The following RBMS3 variants were observed in gnomAD, a reference collection of about 807,000 sequenced individuals.
RBMS3 encodes the protein RNA-binding motif, single-stranded-interacting protein 3.
RBMS3 carries 27 observed loss-of-function variants against 66.8 expected under a neutral mutation model. That is an observed-to-expected ratio of 0.40 (90% CI 0.30 to 0.56). RBMS3 has a LOEUF of 0.56. Among genes scored for constraint, RBMS3 ranks in the 20% least tolerant of loss-of-function variants. The pLI is 0.40. For missense variants in RBMS3, 513 were observed against 549.5 expected, an observed-to-expected ratio of 0.93 and a Z score of 0.66; for synonymous variants, 188 against 183.0, an observed-to-expected ratio of 1.03 and a Z score of -0.22.
chr3:29,382,456 G>A (rs757045612), intron 1 of RBMS3, among the ~76,000 whole-genome samples: 2 of 152,182 alleles, frequency 1.3e-5, no homozygotes, highest in African/African-American at 2.4e-5. Context: ...GTGTTGCAAG[G>A]TTTTGTCTGT....
chr3:29,457,546 A>T (rs1039494115), intron 2 of RBMS3, among the ~76,000 whole-genome samples: 3 of 151,860 alleles, frequency 2.0e-5, no homozygotes, highest in Non-Finnish European at 4.4e-5. Context: ...ACATAGTGAA[A>T]CCTTGTCTCT....
rs1217595744 is a variant in RBMS3, at chr3:30,007,413, G to A, written c.*3551G>A. ...TTTGGATGTTTCCATTTTTCCTTTT[G>A]ACTTTAATAGCCAAGACTTAGCTTA... is the stretch of plus-strand genomic sequence containing the variant. On this transcript the variant is annotated 3_prime_UTR_variant, in exon 15 of 15. Transcript: ENST00000383767. 6.6e-6 allele frequency: 1 copy of A among 150,658 alleles called. No homozygotes were observed. Among genetic ancestry groups the A allele is most frequent in the Non-Finnish European group, 1.5e-5 (1 of 67,634 alleles). 9.3% of individuals were successfully genotyped at this position (150,658 alleles called of 1,614,324 possible).
chr3:29,491,675 TAAAG>T (rs1208366186), intron 3 of RBMS3, among the ~76,000 whole-genome samples: 4 of 152,080 alleles, frequency 2.6e-5, no homozygotes, highest in African/African-American at 9.7e-5. Context: ...GAAAATCACT[TAAAG>T]AAAGGCATCT....
intron 4 of RBMS3, among the ~76,000 whole-genome samples, chr3:29,648,452 T>A (rs1043521690): frequency 1.3e-5 from 2 of 151,702 alleles, no homozygotes; most frequent in Non-Finnish European, 2.9e-5. Flanking sequence ...TTTGTATTTT[T>A]TGTAGAGACA....
chr3:29,457,888 C>A (rs1264031610), intron 2 of RBMS3, among the ~76,000 whole-genome samples: 2 of 144,168 alleles, frequency 1.4e-5, no homozygotes, highest in South Asian at 4.3e-4. Context: ...GCCAGGTTGT[C>A]TTTTGCCTAC....
intron 14 of RBMS3, among the ~76,000 whole-genome samples, chr3:29,993,475 C>T (rs1485001986): frequency 1.3e-5 from 2 of 152,088 alleles, no homozygotes. Flanking sequence ...TTTGGCAAAA[C>T]AATATTTCTG....
chr3:29,515,538 A>G lies in RBMS3; in HGVS notation c.307+27039A>G, dbSNP rs570707009. On this transcript the variant is annotated intron_variant, in intron 3 of 14. Coordinates refer to ENST00000383767, the MANE Select transcript of RBMS3 (RefSeq NM_001003793.3). ...ACAAAGAAGGAAGAAAGCTAGATGC[A>G]GGAAGACAGGCTGGAAGGATGTATC... 2.0e-5 allele frequency among the ~76,000 whole-genome samples: 3 copies of G among 152,360 alleles called. No homozygotes were observed. In the South Asian group the frequency reaches 6.2e-4, roughly 32 times the overall value.
At chr3:29,534,836 C>T (rs771252852) in intron 3 of RBMS3, among the ~76,000 whole-genome samples, 1 of 152,010 alleles carries the variant, frequency 6.6e-6, no homozygotes, top group Non-Finnish European at 1.5e-5. Flanking sequence ...ATCATGCAAA[C>T]TTCGTGAATT....
intron 3 of RBMS3, among the ~76,000 whole-genome samples, chr3:29,545,991 CTT>C (rs148534654): frequency 0.056 from 8,549 of 151,932 alleles, 405 homozygotes; most frequent in African/African-American, 0.13. Context: ...CCAAGGAAAA[CTT>C]TGTTGTTAGC....
intron 1 of RBMS3, among the ~76,000 whole-genome samples, chr3:29,396,174 A>G (rs2039539840): frequency 6.6e-6 from 1 of 152,058 alleles, no homozygotes; most frequent in South Asian, 2.1e-4. Context: ...GAAGGACATA[A>G]CATAACTTAT....
In RBMS3 at chr3:29,316,731, A is replaced by T. The variant is rs1177456371; in HGVS notation, c.75+34975A>T. Among the ~76,000 whole-genome samples, 5 of 151,692 alleles carry T rather than the reference A, an allele frequency of 3.3e-5. No individual in the cohort carries two copies. In the East Asian group the frequency reaches 7.8e-4, roughly 24 times the overall value. On this transcript the variant is annotated intron_variant, in intron 1 of 14. Coordinates refer to ENST00000383767, the MANE Select transcript of RBMS3 (RefSeq NM_001003793.3). ...TAATTTTCATATTTTGAGCTATACT[A>T]TTTAATAGCTATTATAAACTTCTCT...
Position 29,761,629 on chromosome 3 carries a change from C to A in RBMS3, c.558-1281C>A, listed in dbSNP as rs2055692710. ...AGCTGTAATAAATATGTATAACTTA[C>A]TTGACATTTGTTAGCATATTTTTTT... is the stretch of plus-strand genomic sequence containing the variant. On this transcript the variant is annotated intron_variant, in intron 5 of 14. Coordinates refer to ENST00000383767, the MANE Select transcript of RBMS3 (RefSeq NM_001003793.3). 2.0e-5 allele frequency among the ~76,000 whole-genome samples: 3 copies of A among 152,112 alleles called. 1 individual carries two copies. The highest frequency in any genetic ancestry group is 2.0e-4 in the Admixed American group (3 of 15,266).
chr3:29,615,470 G>GCGCA (rs143455284), intron 4 of RBMS3, among the ~76,000 whole-genome samples: 22 of 144,512 alleles, frequency 1.5e-4, no homozygotes, highest in African/African-American at 2.6e-4. Context: ...ACTACAGTTA[G>GCGCA]CACACACACA....
rs562181382 is a variant in RBMS3, at chr3:29,864,821, A to T, written c.638-4037A>T. Among the ~76,000 whole-genome samples the T allele has an allele frequency of 3.6e-5, 5 of 140,538 alleles. No individual in the cohort carries two copies. In the South Asian group the frequency reaches 1.2e-3, roughly 35 times the overall value. 92.2% of individuals were successfully genotyped at this position (140,538 alleles called of 152,430 possible). ...ACAGAAATGTAAAAGAAAGGAAGGA[A>T]GGAAGGGAAGGGAAGGGAAGGGAAG... On this transcript the variant is annotated intron_variant, in intron 6 of 14. Coordinates refer to ENST00000383767, the MANE Select transcript of RBMS3 (RefSeq NM_001003793.3).
intron 4 of RBMS3, among the ~76,000 whole-genome samples, chr3:29,650,284 T>TC (rs1471184251): frequency 6.7e-6 from 1 of 150,158 alleles, no homozygotes; most frequent in Admixed American, 6.6e-5. Context: ...TCTTTCTTTT[T>TC]TTTTTTTTTT....
intron 12 of RBMS3, among the ~76,000 whole-genome samples, chr3:29,963,841 A>G (rs79920228): frequency 1.8e-4 from 27 of 150,928 alleles, no homozygotes; most frequent in Admixed American, 4.0e-4. Context: ...AAAAAAAAAA[A>G]AAAAGTGTAT....
chr3:29,654,475 G>C (rs2050251632), intron 4 of RBMS3, among the ~76,000 whole-genome samples: 1 of 151,450 alleles, frequency 6.6e-6, no homozygotes, highest in South Asian at 2.1e-4. Context: ...TGGTGTGACT[G>C]TATCTTTGGA....
chr3:29,734,859 AT>A (rs1236468332), intron 4 of RBMS3, among the ~76,000 whole-genome samples: 1 of 152,046 alleles, frequency 6.6e-6, no homozygotes, highest in Non-Finnish European at 1.5e-5. Context: ...TTTTCTATTA[AT>A]TTATTTTTCT....
intron 2 of RBMS3, among the ~76,000 whole-genome samples, chr3:29,461,701 T>C (rs919459699): frequency 6.6e-6 from 1 of 152,176 alleles, no homozygotes; most frequent in Non-Finnish European, 1.5e-5. Context: ...CTGCCACTTA[T>C]GAGCTTGTAA....
Sources: allele counts gnomAD v4.1 joint callset (sites outside exome capture counted in the v4.1 genomes callset), GRCh38; gene constraint gnomAD v4.1.1; transcripts MANE v1.5; gene names NCBI Gene and HGNC (gene_info 2026-07-23, HGNC 2026-07-21).